FBXO31: variants seen among roughly 807,000 people sequenced by gnomAD.
The protein encoded by FBXO31 is F-box only protein 31.
FBXO31 carries 24 observed loss-of-function variants against 54.4 expected under a neutral mutation model. The ratio of observed to expected loss-of-function variants is 0.44; its 90% CI spans 0.32 to 0.62. The LOEUF (loss-of-function observed/expected upper bound fraction) is 0.62, where lower values mean the gene tolerates loss of function less well. FBXO31 is among the 20% of genes least tolerant of loss of function. FBXO31 has a pLI of 0.05. For synonymous variants in FBXO31, 388 were observed against 335.6 expected (o/e 1.16, Z -1.71); for missense variants, 665 against 787.1 (o/e 0.84, Z 1.86).
At chr16:87,342,022 G>A (rs1430782650) in intron 5 of FBXO31, among the ~76,000 whole-genome samples, 2 of 152,150 alleles carry the variant, frequency 1.3e-5, no homozygotes, top group African/African-American at 4.8e-5. Context: ...GACCAGCCTG[G>A]GCAACATGGC....
chr16:87,386,191 G>A (rs771385237), upstream of FBXO31: 1 of 152,236 alleles, frequency 6.6e-6, no homozygotes, highest in African/African-American at 2.4e-5. Context: ...AGTCCAGGGT[G>A]TGGTCTGAGC....
chr16:87,352,289 C>T (rs16942895), intron 2 of FBXO31, among the ~76,000 whole-genome samples: 3,867 of 152,190 alleles, frequency 0.025, 162 homozygotes, highest in African/African-American at 0.089. Flanking sequence ...TTGAACGTTA[C>T]GCAGTTTTTC....
chr16:87,331,349 T>C lies in FBXO31; in HGVS notation c.1559A>G (p.Asp520Gly), dbSNP rs1213461822. The part of the protein sequence containing the change: ...SRVQATFRNA[D>G]APSPQAFDEM... Reference sequence around the variant, plus strand: ...ATCGAAGGCCTGTGGGGACGGCGCATCTGCGTTCCGGAAGGTGGCCTGGAC... The same window carrying C: ...ATCGAAGGCCTGTGGGGACGGCGCACCTGCGTTCCGGAAGGTGGCCTGGAC... The change falls in exon 9 of 9, where the codon GAT (aspartate) becomes GGT (glycine). Residue 520 changes from aspartate to glycine, a missense_variant. By Grantham distance (94) the Asp-to-Gly change is moderately conservative. This residue lies in a region of FBXO31 where 71 missense variants were observed against 105.8 expected (regional missense o/e 0.67). Coordinates refer to ENST00000311635, the MANE Select transcript of FBXO31 (RefSeq NM_024735.5). The C allele has an allele frequency of 6.2e-7, 1 of 1,613,854 alleles. No individual in the cohort carries two copies.
chr16:87,342,821 C>A, intron 5 of FBXO31, 56 bp downstream of exon 5: 2 of 1,477,826 alleles, frequency 1.4e-6, no homozygotes, highest in South Asian at 2.5e-5. Context: ...GTACTTTCCC[C>A]GTGGGGAAAG....
At chr16:87,373,015 G>A (rs1335473598) in intron 1 of FBXO31, among the ~76,000 whole-genome samples, 13 of 148,512 alleles carry the variant, frequency 8.8e-5, no homozygotes, top group African/African-American at 2.5e-4. Context: ...GATTACAGGC[G>A]TGAGCCACTG....
upstream of FBXO31, chr16:87,389,962 A>C (rs1248563581): frequency 6.6e-6 from 1 of 152,272 alleles, no homozygotes; most frequent in Non-Finnish European, 1.5e-5. Context: ...TGCCACCTGC[A>C]CAAATGCACC....
chr16:87,330,218 C>G lies in FBXO31; in HGVS notation c.*1070G>C, dbSNP rs1422333708. ...AGGTGTTAACACAACATGGGGCACACAGCAGTGGAGGCATCAGTCCATGGG... is the reference window on the plus strand; with the variant it reads ...AGGTGTTAACACAACATGGGGCACAGAGCAGTGGAGGCATCAGTCCATGGG... On this transcript the variant is annotated 3_prime_UTR_variant, in exon 9 of 9. Transcript: ENST00000311635. 2 of 152,358 alleles carry G rather than the reference C, an allele frequency of 1.3e-5. No homozygotes were observed. Among genetic ancestry groups the G allele is most frequent in the Non-Finnish European group, 2.9e-5 (2 of 68,108 alleles). The allele number at this position is 152,358 out of a possible 1,614,324, so 9.4% of individuals were successfully genotyped here.
chr16:87,370,576 G>C (rs1171293501), intron 1 of FBXO31, among the ~76,000 whole-genome samples: 3 of 152,168 alleles, frequency 2.0e-5, no homozygotes, highest in Admixed American at 6.5e-5. Flanking sequence ...AGGAGCCTGT[G>C]GGTGGGGATG....
At chr16:87,374,617 T>G (rs1906744044) in intron 1 of FBXO31, among the ~76,000 whole-genome samples, 1 of 152,134 alleles carries the variant, frequency 6.6e-6, no homozygotes, top group Non-Finnish European at 1.5e-5. Flanking sequence ...CAGACAAAAA[T>G]GTTGTACAAA....
chr16:87,359,858 G>A (rs1906058031), intron 2 of FBXO31, among the ~76,000 whole-genome samples: 1 of 152,202 alleles, frequency 6.6e-6, no homozygotes, highest in Admixed American at 6.5e-5. Flanking sequence ...CCTGCTCACA[G>A]AATGCTAAAG....
intron 2 of FBXO31, among the ~76,000 whole-genome samples, chr16:87,352,154 C>T (rs1567620375): frequency 6.6e-6 from 1 of 152,194 alleles, no homozygotes; most frequent in Non-Finnish European, 1.5e-5. Context: ...CAACACATCA[C>T]ACTGTGCCCC....
upstream of FBXO31, among the ~76,000 whole-genome samples, chr16:87,390,517 T>C (rs1454241634): frequency 6.6e-6 from 1 of 151,800 alleles, no homozygotes; most frequent in African/African-American, 2.4e-5. Context: ...CTTGGCTCGC[T>C]GCAACCTCTG....
At chr16:87,386,782 T>C (rs1314055587), upstream of FBXO31, among the ~76,000 whole-genome samples, 1 of 152,234 alleles carries the variant, frequency 6.6e-6, no homozygotes. Flanking sequence ...ATCAGACTTA[T>C]GATTGCAGGG....
rs538513921 is a variant in FBXO31 at position 87,370,968 on chromosome 16, G to C, written c.341-10602C>G. On this transcript the variant is annotated intron_variant, in intron 1 of 8. Coordinates refer to ENST00000311635, the MANE Select transcript of FBXO31 (RefSeq NM_024735.5). ...CGGTGGCAGGGGGGACATGCCCCCGGGCTCCAAGAACAGCGCCCCAACTGC... is the reference window on the plus strand; with the variant it reads ...CGGTGGCAGGGGGGACATGCCCCCGCGCTCCAAGAACAGCGCCCCAACTGC... Among the ~76,000 whole-genome samples, 183 of 152,274 alleles carry C rather than the reference G, an allele frequency of 1.2e-3. 1 individual carries two copies. Among genetic ancestry groups the C allele is most frequent in the African/African-American group, 3.7e-3 (153 of 41,554 alleles).
chr16:87,352,426 C>G (rs989947481), intron 2 of FBXO31, among the ~76,000 whole-genome samples: 2 of 151,992 alleles, frequency 1.3e-5, no homozygotes, highest in African/African-American at 4.8e-5. Context: ...AAGATTTTAA[C>G]CCTTATTAAA....
At position 87,334,030 on chromosome 16, in the gene FBXO31, C is replaced by T. The variant is rs760420701; in HGVS notation, c.1253G>A (p.Gly418Glu). 2 of 1,612,610 alleles carry T rather than the reference C, an allele frequency of 1.2e-6. No individual in the cohort carries two copies. The highest frequency in any genetic ancestry group is 1.7e-6 in the Non-Finnish European group (2 of 1,179,768). ...RAEAPSKGPD[G>E]TPGEDGGEPG... ...CTCGCCACCATCCTCACCAGGTGTC[C>T]CATCTGGGCCCTTGCTGGGCGCCTC... Residue 418 changes from glycine to glutamate, a missense_variant, in exon 8 of 9, where the codon GGG becomes GAG. Physicochemically the swap from Gly to Glu is moderately conservative, Grantham distance 98. Transcript: ENST00000311635.
chr16:87,377,859 A>G (rs1475054499), intron 1 of FBXO31, among the ~76,000 whole-genome samples: 3 of 151,750 alleles, frequency 2.0e-5, no homozygotes, highest in Non-Finnish European at 2.9e-5. Context: ...ATGTATATAT[A>G]AAAAAACAGA....
At position 87,336,333 on chromosome 16, in the gene FBXO31, G is replaced by A. The variant is rs1163916987; in HGVS notation, c.733-69C>T. 7 of 1,387,690 alleles carry A rather than the reference G, an allele frequency of 5.0e-6. No individual in the cohort carries two copies. In the East Asian group the frequency reaches 6.9e-5, roughly 14 times the overall value. The allele number at this position is 1,387,690 out of a possible 1,614,324, so 86.0% of individuals were successfully genotyped here. A position where few individuals can be genotyped will look rare whatever the true frequency, so the allele number is the denominator to read the frequency against. Reference sequence around the variant, plus strand: ...CTGTGAAGAGGCTGCCGGCTGTGCCGCTGAGAGGACACAGTGTGTCCTTCT... The same window carrying A: ...CTGTGAAGAGGCTGCCGGCTGTGCCACTGAGAGGACACAGTGTGTCCTTCT... On this transcript the variant is annotated intron_variant, in intron 5 of 8. Coordinates refer to ENST00000311635, the MANE Select transcript of FBXO31 (RefSeq NM_024735.5). The surrounding 1 kb of genome is among the most constrained non-coding windows in gnomAD (Gnocchi z 6.5).
intron 1 of FBXO31, among the ~76,000 whole-genome samples, chr16:87,368,709 C>T (rs1906471427): frequency 6.6e-6 from 1 of 150,484 alleles, no homozygotes; most frequent in South Asian, 2.1e-4. Flanking sequence ...GAACAGATAA[C>T]CTCAGTCCAA....
Sources: gnomAD v4.1 joint callset for allele counts (sites outside exome capture counted in the v4.1 genomes callset) on GRCh38, gnomAD v4.1.1 for gene constraint, gnomAD v4.1.1 regional missense constraint, Gnocchi (gnomAD v3.1) non-coding constraint, MANE v1.5 for transcripts, NCBI Gene and HGNC (gene_info 2026-07-23, HGNC 2026-07-21) for gene names.